Variants in PCDHGA9 observed in about 807,000 individuals in gnomAD.
The protein encoded by PCDHGA9 is protocadherin gamma subfamily A, 9.
Under a neutral mutation model 62.5 loss-of-function variants are expected in PCDHGA9, and 37 were observed. That is an observed-to-expected ratio of 0.59 (90% CI 0.46 to 0.78). PCDHGA9 has a LOEUF of 0.78. PCDHGA9 is among the 30% of genes least tolerant of loss of function. PCDHGA9 has a pLI of 0.00. For missense variants in PCDHGA9, 1,138 were observed against 1,166.2 expected (o/e 0.98, Z 0.35); for synonymous variants, 459 against 484.6 (o/e 0.95, Z 0.69).
At chr5:141,481,813 G>A (rs185558948) in intron 1 of PCDHGA9, among the ~76,000 whole-genome samples, 15 of 151,942 alleles carry the variant, frequency 9.9e-5, no homozygotes, top group East Asian at 7.8e-4. Context: ...TTCACCAGGC[G>A]TGGTGGCTGA....
chr5:141,502,039 G>T (rs2099812498), intron 2 of PCDHGA9, among the ~76,000 whole-genome samples: 1 of 152,126 alleles, frequency 6.6e-6, no homozygotes, highest in South Asian at 2.1e-4. Context: ...CCGCTTGCCT[G>T]CTCTCCCTAC....
intron 1 of PCDHGA9, chr5:141,478,260 T>C (rs1340624663): frequency 6.2e-7 from 1 of 1,614,182 alleles, no homozygotes; most frequent in East Asian, 2.2e-5. Context: ...GTAATCATAT[T>C]CAAAGTTTAC....
chr5:141,438,152 G>A (rs184819165), intron 1 of PCDHGA9, among the ~76,000 whole-genome samples: 1 of 152,250 alleles, frequency 6.6e-6, no homozygotes, highest in African/African-American at 2.4e-5. Flanking sequence ...CCAGCCTATG[G>A]CAAAGCTAAT....
Position 141,432,480 on chromosome 5 carries a change from G to T in PCDHGA9, c.2424+27104G>T, listed in dbSNP as rs775075732. On this transcript the variant is annotated intron_variant, in intron 1 of 3. Transcript: ENST00000573521. This position sits in a 1 kb window ranked among gnomAD's most constrained non-coding sequence, Gnocchi z 6.0. ...GCCCTCCCCACGGACGGTTCCACTG[G>T]CGTGGAGCTGGCTCCCCGCTCCGCA... The T allele has an allele frequency of 1.9e-6, 3 of 1,614,180 alleles. No individual in the cohort carries two copies. The highest frequency in any genetic ancestry group is 2.2e-5 in the South Asian group (2 of 91,078).
chr5:141,445,249 G>T (rs1337658576), intron 1 of PCDHGA9, among the ~76,000 whole-genome samples: 2 of 152,170 alleles, frequency 1.3e-5, no homozygotes, highest in Non-Finnish European at 2.9e-5. Context: ...ACTATATTGT[G>T]TGAGAATATA....
intron 1 of PCDHGA9, among the ~76,000 whole-genome samples, chr5:141,456,464 A>T (rs1430885015): frequency 6.6e-6 from 1 of 152,192 alleles, no homozygotes; most frequent in Non-Finnish European, 1.5e-5. Flanking sequence ...TCAATACAAG[A>T]CATATAAGCA....
intron 1 of PCDHGA9, among the ~76,000 whole-genome samples, chr5:141,469,232 A>AC (rs1350524557): frequency 2.0e-5 from 3 of 151,722 alleles, no homozygotes; most frequent in Non-Finnish European, 4.4e-5. Flanking sequence ...AGCCATGATC[A>AC]CCCCACTGCA....
chr5:141,476,317 G>C lies in PCDHGA9; in HGVS notation c.2425-18490G>C, dbSNP rs759809060. The C allele has an allele frequency of 1.2e-6, 2 of 1,614,052 alleles. No homozygotes were observed. The highest frequency in any genetic ancestry group is 2.7e-5 in the African/African-American group (2 of 74,922). ...GTAGCCTCTCAGCCCGCAGGTTCCGGGTGGTGTCTGGAGCTAGCCGAAGAT... is the reference window on the plus strand; with the variant it reads ...GTAGCCTCTCAGCCCGCAGGTTCCGCGTGGTGTCTGGAGCTAGCCGAAGAT... On this transcript the variant is annotated intron_variant, in intron 1 of 3. Coordinates refer to ENST00000573521, the MANE Select transcript of PCDHGA9 (RefSeq NM_018921.3). The surrounding 1 kb of genome is among the most constrained non-coding windows in gnomAD (Gnocchi z 7.6).
chr5:141,410,104 C>G, intron 1 of PCDHGA9: 1 of 1,612,582 alleles, frequency 6.2e-7, no homozygotes, highest in Non-Finnish European at 8.5e-7. Context: ...CCTTAGGCGA[C>G]AGGGACGCAG....
chr5:141,430,809 G>A (rs949727881), intron 1 of PCDHGA9: 5 of 1,527,014 alleles, frequency 3.3e-6, no homozygotes, highest in Non-Finnish European at 4.4e-6. Context: ...GTCCTGCTGG[G>A]AATCCTCCTG....
intron 1 of PCDHGA9, among the ~76,000 whole-genome samples, chr5:141,470,598 G>A (rs2099234276): frequency 6.6e-6 from 1 of 152,184 alleles, no homozygotes; most frequent in Admixed American, 6.5e-5. Flanking sequence ...GGCGACCTGT[G>A]CGGGGACACA....
At chr5:141,498,919 C>A (rs897611505) in intron 2 of PCDHGA9, among the ~76,000 whole-genome samples, 1 of 122,240 alleles carries the variant, frequency 8.2e-6, no homozygotes. Context: ...GGTGACAGAG[C>A]GAGACTCCAT....
At chr5:141,501,881 C>T (rs1396427606) in intron 2 of PCDHGA9, among the ~76,000 whole-genome samples, 1 of 152,124 alleles carries the variant, frequency 6.6e-6, no homozygotes, top group East Asian at 1.9e-4. Context: ...CCTTACACTC[C>T]TGATCATCAT....
At chr5:141,488,020 T>C (rs985558790) in intron 1 of PCDHGA9, among the ~76,000 whole-genome samples, 3 of 152,174 alleles carry the variant, frequency 2.0e-5, no homozygotes, top group African/African-American at 7.2e-5. Context: ...GTACCTTAAC[T>C]CTAGGTTACC....
intron 3 of PCDHGA9, 93 bp downstream of exon 3, chr5:141,505,574 C>G: frequency 6.3e-7 from 1 of 1,593,636 alleles, no homozygotes; most frequent in South Asian, 1.1e-5. Flanking sequence ...GGATGTCAAA[C>G]CTGTGTAGTT....
rs2096205933 is a variant in PCDHGA9, at chr5:141,417,998, G to C, written c.2424+12622G>C. ...GGAGGAGCTGGCCAAGGGCTCGGTGGTGGGGAACCTCGCTAAGGATCTAGG... is the reference window on the plus strand; with the variant it reads ...GGAGGAGCTGGCCAAGGGCTCGGTGCTGGGGAACCTCGCTAAGGATCTAGG... On this transcript the variant is annotated intron_variant, in intron 1 of 3. Transcript: ENST00000573521. The C allele has an allele frequency of 1.9e-6, 3 of 1,613,928 alleles. No individual in the cohort carries two copies. The East Asian group carries it at 6.7e-5, about 36-fold the overall frequency.
intron 1 of PCDHGA9, among the ~76,000 whole-genome samples, chr5:141,406,450 G>T (rs2094811564): frequency 6.6e-6 from 1 of 152,194 alleles, no homozygotes; most frequent in South Asian, 2.1e-4. Flanking sequence ...CCATTTCTAT[G>T]ACAGGAAAAC....
rs746913952 is a variant in PCDHGA9, at chr5:141,432,898, G to A, written c.2424+27522G>A. The A allele has an allele frequency of 1.2e-6, 2 of 1,614,174 alleles. No homozygotes were observed. Among genetic ancestry groups the A allele is most frequent in the South Asian group, 1.1e-5 (1 of 91,090 alleles). On this transcript the variant is annotated intron_variant, in intron 1 of 3. Transcript: ENST00000573521. This position sits in a 1 kb window ranked among gnomAD's most constrained non-coding sequence, Gnocchi z 6.0. ...TGGCCTTCGTCATCTTGCTGCTGGC[G>A]CTCAGGCTGCGGCGCTGGCACAAGT...
chr5:141,432,706 C>G lies in PCDHGA9; in HGVS notation c.2424+27330C>G, dbSNP rs761752571. The G allele has an allele frequency of 6.2e-7, 1 of 1,613,988 alleles. No homozygotes were observed. Among genetic ancestry groups the G allele is most frequent in the African/African-American group, 1.3e-5 (1 of 75,072 alleles). Reference sequence around the variant, plus strand: ...GCCTCGTAGTGGCCGTCCAGGACCACGGCCAGCCCCCTCTCTCCGCCACTG... The same window carrying G: ...GCCTCGTAGTGGCCGTCCAGGACCAGGGCCAGCCCCCTCTCTCCGCCACTG... On this transcript the variant is annotated intron_variant, in intron 1 of 3. Transcript: ENST00000573521. The surrounding 1 kb of genome is among the most constrained non-coding windows in gnomAD (Gnocchi z 6.0).
Sources: gnomAD v4.1 joint callset for allele counts (sites outside exome capture counted in the v4.1 genomes callset) on GRCh38, gnomAD v4.1.1 for gene constraint, Gnocchi (gnomAD v3.1) non-coding constraint, MANE v1.5 for transcripts, NCBI Gene and HGNC (gene_info 2026-07-23, HGNC 2026-07-21) for gene names.